Variants in GRB7 observed in about 807,000 individuals in gnomAD.
GRB7 encodes the protein growth factor receptor bound protein 7.
In GRB7, 47 loss-of-function variants were observed where a neutral mutation model predicts 64.1. That is an observed-to-expected ratio of 0.73 (90% CI 0.58 to 0.94). The LOEUF (loss-of-function observed/expected upper bound fraction) is 0.94, where lower values mean the gene tolerates loss of function less well. GRB7 is among the 40% of genes least tolerant of loss of function. The probability of loss-of-function intolerance (pLI) is 0.00; values close to 1 mark genes in which losing one functional copy is unlikely to be tolerated. For missense variants in GRB7, 634 were observed against 718.4 expected (o/e 0.88, Z 1.34); for synonymous variants, 277 against 279.9 (o/e 0.99, Z 0.10).
chr17:39,738,961 G>A, intron 1 of GRB7: 13 of 1,533,262 alleles, frequency 8.5e-6, no homozygotes, highest in Non-Finnish European at 1.1e-5. Flanking sequence ...GCATGAAATG[G>A]GCAGGAAGGC....
intron 8 of GRB7, 90 bp from the exon 9 acceptor site, chr17:39,744,796 A>G (rs560389700): frequency 7.4e-7 from 1 of 1,352,050 alleles, no homozygotes; most frequent in Non-Finnish European, 1.1e-6. Context: ...CCTGCTGGAA[A>G]CTCCTGGATT....
At chr17:39,739,013 GGGAGA>G in intron 1 of GRB7, 1 of 1,217,514 alleles carries the variant, frequency 8.2e-7, no homozygotes, top group Non-Finnish European at 1.1e-6. Context: ...GTGGGGCCTG[GGGAGA>G]GTGGGGTGGG....
At chr17:39,740,226 T>C in intron 1 of GRB7, 1 of 932,028 alleles carries the variant, frequency 1.1e-6, no homozygotes, top group African/African-American at 1.8e-5. Flanking sequence ...GGTATTGAGG[T>C]GCTGGTGTCT....
intron 1 of GRB7, chr17:39,740,088 C>G (rs752878599): frequency 1.4e-5 from 14 of 985,602 alleles, no homozygotes; most frequent in Non-Finnish European, 1.7e-5. Flanking sequence ...CCTCTCCCCA[C>G]CCCACTGTTG....
At chr17:39,742,843 G>C (rs1031146665) in intron 3 of GRB7, 55 bp from the exon 4 acceptor site, 2 of 1,540,676 alleles carry the variant, frequency 1.3e-6, no homozygotes, top group Non-Finnish European at 1.8e-6. Flanking sequence ...GGTGCGGAAA[G>C]GGAATGAATC....
In GRB7 at chr17:39,742,168, G is replaced by C. The variant is rs2143401372; in HGVS notation, c.-50-84G>C. The C allele has an allele frequency of 5.3e-5, 48 of 901,836 alleles. 1 individual carries two copies. In the South Asian group the frequency reaches 6.2e-4, roughly 12 times the overall value. 55.9% of individuals were successfully genotyped at this position (901,836 alleles called of 1,614,324 possible). On this transcript the variant is annotated intron_variant, in intron 1 of 14. Transcript: ENST00000309156. ...CTTCAGGGAAACTCCAGTTAGAGCA[G>C]TGAGGTGCTAGGTAAACTCTGAGGG...
rs561480894 is a variant in GRB7, at chr17:39,743,697, G to A, written c.663+227G>A. The A allele has an allele frequency of 7.4e-5, 44 of 598,504 alleles. No homozygotes were observed. In the South Asian group the frequency reaches 8.4e-4, roughly 11 times the overall value. The allele number at this position is 598,504 out of a possible 1,614,324, so 37.1% of individuals were successfully genotyped here. ...CCTTGTAAAAACCTGAGGGTGGGCTGGGCACGGTGGCTCATGCCTATAATC... is the reference window on the plus strand; with the variant it reads ...CCTTGTAAAAACCTGAGGGTGGGCTAGGCACGGTGGCTCATGCCTATAATC... On this transcript the variant is annotated intron_variant, in intron 6 of 14. Transcript: ENST00000309156.
rs1420881721 is a variant in GRB7, at chr17:39,742,262, C to T, written c.-40C>T. 6.2e-7 allele frequency: 1 copy of T among 1,613,272 alleles called. No homozygotes were observed. Among genetic ancestry groups the T allele is most frequent in the Non-Finnish European group, 8.5e-7 (1 of 1,179,328 alleles). ...ATCCCCTCTCCCCAGGACAAGGGCA[C>T]ACAACTGGTTCCGTTAAGCCCCTCT... On this transcript the variant is annotated 5_prime_UTR_variant, in exon 2 of 15. Coordinates refer to ENST00000309156, the MANE Select transcript of GRB7 (RefSeq NM_005310.5).
intron 3 of GRB7, 65 bp downstream of exon 3, chr17:39,742,781 C>T: frequency 6.6e-7 from 1 of 1,523,148 alleles, no homozygotes. Context: ...AGATACACAG[C>T]CGCTTCCATG....
chr17:39,743,638 T>C (rs1021674039), intron 6 of GRB7, 168 bp downstream of exon 6: 4 of 638,546 alleles, frequency 6.3e-6, no homozygotes, highest in Non-Finnish European at 1.1e-5. Context: ...GTTTCTTCTA[T>C]TAAATGGGGG....
chr17:39,744,099 G>A lies in GRB7; in HGVS notation c.693G>A (p.Glu231=). Residue 231 remains glutamate (E), a synonymous_variant, in exon 7 of 15, where the codon GAG becomes GAA. Coordinates refer to ENST00000309156, the MANE Select transcript of GRB7 (RefSeq NM_005310.5). ...TCCTGAATGCTGGCAGCTTTCCTGA[G>A]ATCCAGGGCTTTCTGCAGCTGCGGG... ...QNFLNAGSFP[E]IQGFLQLRGS... is the part of the protein sequence containing the mutation. The A allele has an allele frequency of 1.9e-6, 3 of 1,614,136 alleles. No individual in the cohort carries two copies. In the South Asian group the frequency reaches 3.3e-5, roughly 18 times the overall value.
In GRB7 at chr17:39,746,788, A is replaced by G. The variant is rs748914287; in HGVS notation, c.1490A>G (p.Asp497Gly). 3 of 1,613,986 alleles carry G rather than the reference A, an allele frequency of 1.9e-6. No homozygotes were observed. Among genetic ancestry groups the G allele is most frequent in the Admixed American group, 1.7e-5 (1 of 60,008 alleles). ...GGCCGCCTGTACTTCAGCATGGATG[A>G]TGGCCAGACCCGCTTCACTGACCTG... ...EEGRLYFSMD[D>G]GQTRFTDLLQ... Residue 497 changes from aspartate to glycine, a missense_variant, in exon 15 of 15, where the codon GAT becomes GGT. Asp to Gly is a moderately conservative substitution (Grantham distance 94). Coordinates refer to ENST00000309156, the MANE Select transcript of GRB7 (RefSeq NM_005310.5).
chr17:39,742,600 C>T lies in GRB7; in HGVS notation c.190C>T (p.Leu64Phe), dbSNP rs892976626. The change falls in exon 3 of 15, where the codon CTC becomes TTC. Residue 64 changes from leucine to phenylalanine, a missense_variant. Leu to Phe is a conservative substitution (Grantham distance 22, BLOSUM62 0). Transcript: ENST00000309156. Reference sequence around the variant, plus strand: ...AGAGGAGGAGAGGCGTGCCACCTCCCTCCCCTCTATCCCCAACCCCTTCCC... The same window carrying T: ...AGAGGAGGAGAGGCGTGCCACCTCCTTCCCCTCTATCCCCAACCCCTTCCC... ...LREEERRATS[L>F]PSIPNPFPEL... 5 of 1,613,910 alleles carry T rather than the reference C, an allele frequency of 3.1e-6. No individual in the cohort carries two copies. Among genetic ancestry groups the T allele is most frequent in the Non-Finnish European group, 4.2e-6 (5 of 1,179,920 alleles).
Position 39,743,202 on chromosome 17 carries a change from G to C in GRB7, c.486G>C (p.Glu162Asp). The change falls in exon 5 of 15, where the codon GAG (glutamate) becomes GAC (aspartate). Residue 162 changes from glutamate (E) to aspartate (D), a missense_variant. By Grantham distance (45) the Glu-to-Asp change is conservative. Around this residue, in one of 2 missense-constraint regions of GRB7, gnomAD observed 467 missense variants for 576.6 expected, o/e 0.81. Coordinates refer to ENST00000309156, the MANE Select transcript of GRB7 (RefSeq NM_005310.5). ...LALERGLEDH[E>D]SVVEVQAAWP... ...CAGAGCGGGGTTTGGAGGACCACGA[G>C]TCCGTGGTGGAAGTGCAGGCTGCCT... 6.2e-7 allele frequency: 1 copy of C among 1,614,166 alleles called. No homozygotes were observed. Among genetic ancestry groups the C allele is most frequent in the Non-Finnish European group, 8.5e-7 (1 of 1,180,018 alleles).
chr17:39,745,489 A>G lies in GRB7; in HGVS notation c.1160A>G (p.Asn387Ser), dbSNP rs2060036895. 6.2e-7 allele frequency: 1 copy of G among 1,612,950 alleles called. No individual in the cohort carries two copies. ...FSGHAGRVIE[N>S]PREALSVALE... The stretch of plus-strand genomic sequence containing the variant: ...GGCCATGCTGGGCGTGTCATTGAGA[A>G]CCCCCGGGAGGCTCTGAGTGTGGCC... Residue 387 changes from asparagine (N) to serine (S), a missense_variant, in exon 11 of 15, where the codon AAC (asparagine) becomes AGC (serine). Coordinates refer to ENST00000309156, the MANE Select transcript of GRB7 (RefSeq NM_005310.5).
rs370194739 is a variant in GRB7, at chr17:39,742,725, T to C, written c.306+9T>C. 26 of 1,548,244 alleles carry C rather than the reference T, an allele frequency of 1.7e-5. No homozygotes were observed. The African/African-American group carries it at 3.4e-4, about 21-fold the overall frequency. ...ATGCCAGCCGCCCCCATGTGAGTTG[T>C]CCCTCAGAAGGGAAGGGAGGGATGC... On this transcript the variant is annotated intron_variant, in intron 3 of 14. Coordinates refer to ENST00000309156, the MANE Select transcript of GRB7 (RefSeq NM_005310.5).
intron 1 of GRB7, among the ~76,000 whole-genome samples, 178 bp from the exon 2 acceptor site, chr17:39,742,074 A>G (rs528727557): frequency 1.3e-5 from 2 of 152,084 alleles, no homozygotes; most frequent in East Asian, 3.9e-4. Flanking sequence ...TGAGGGCAAG[A>G]ATGCTTTCTT....
chr17:39,745,906 A>C lies in GRB7; in HGVS notation c.1271-7A>C. On this transcript the variant is annotated splice_region_variant and splice_polypyrimidine_tract_variant and intron_variant, in intron 12 of 14. Transcript: ENST00000309156. Reference sequence around the variant, plus strand: ...AAAGTGACCGCCCATGTCCTTCCCCACCACAGCCATCCACCGCACCCAACT... The same window carrying C: ...AAAGTGACCGCCCATGTCCTTCCCCCCCACAGCCATCCACCGCACCCAACT... 3 of 1,613,732 alleles carry C rather than the reference A, an allele frequency of 1.9e-6. No individual in the cohort carries two copies. Among genetic ancestry groups the C allele is most frequent in the Non-Finnish European group, 2.5e-6 (3 of 1,179,852 alleles).
At chr17:39,743,137 T>C (rs1318005539) in intron 4 of GRB7, 43 bp from the exon 5 acceptor site, 1 of 1,608,094 alleles carries the variant, frequency 6.2e-7, no homozygotes, top group Non-Finnish European at 8.5e-7. Context: ...CCAGGAGATC[T>C]GGTTGATCTC....
Sources: allele counts gnomAD v4.1 joint callset (sites outside exome capture counted in the v4.1 genomes callset), GRCh38; gene constraint gnomAD v4.1.1; regional missense constraint gnomAD v4.1.1; transcripts MANE v1.5; gene names NCBI Gene and HGNC (gene_info 2026-07-23, HGNC 2026-07-21).